The following DMTN variants were observed in gnomAD, a reference collection of about 807,000 sequenced individuals.
DMTN encodes dematin.
DMTN carries 27 observed loss-of-function variants against 59.4 expected under a neutral mutation model. The ratio of observed to expected loss-of-function variants is 0.45; its 90% CI spans 0.33 to 0.63. The LOEUF (loss-of-function observed/expected upper bound fraction) is 0.63, where lower values mean the gene tolerates loss of function less well. DMTN is among the 20% of genes least tolerant of loss of function. DMTN has a pLI of 0.02. For synonymous variants in DMTN, 221 were observed against 203.7 expected, an observed-to-expected ratio of 1.08 and a Z score of -0.72; for missense variants, 451 against 528.9, an observed-to-expected ratio of 0.85 and a Z score of 1.45.
At position 22,072,205 on chromosome 8, in the gene DMTN, A is replaced by C. The variant is rs1816095423; in HGVS notation, c.605-121A>C. On this transcript the variant is annotated intron_variant, in intron 8 of 15. Transcript: ENST00000358242. Reference sequence around the variant, plus strand: ...TACCGACCCTACTTTATTTTTTAAAAAAATTTTGTAGTGGCCTTATCAAGG... The same window carrying C: ...TACCGACCCTACTTTATTTTTTAAACAAATTTTGTAGTGGCCTTATCAAGG... 4.6e-6 allele frequency: 6 copies of C among 1,308,414 alleles called. No homozygotes were observed. In the South Asian group the frequency reaches 1.0e-4, roughly 22 times the overall value. 81.1% of individuals were successfully genotyped at this position (1,308,414 alleles called of 1,614,324 possible).
intron 1 of DMTN, among the ~76,000 whole-genome samples, chr8:22,065,827 C>CTTTTTTTTTTT (rs76626050): frequency 1.1e-4 from 8 of 74,596 alleles, no homozygotes; most frequent in African/African-American, 2.1e-4. Context: ...AGAGCAAGAC[C>CTTTTTTTTTTT]TTTTTTTTTT....
At chr8:22,072,151 A>G (rs982019585) in intron 8 of DMTN, among the ~76,000 whole-genome samples, 175 bp from the exon 9 acceptor site, 1 of 152,058 alleles carries the variant, frequency 6.6e-6, no homozygotes, top group Non-Finnish European at 1.5e-5. Context: ...CAGCCTCCCA[A>G]TGTGTTGAGA....
Position 22,066,823 on chromosome 8 carries a change from T to C in DMTN, c.-53T>C. On this transcript the variant is annotated 5_prime_UTR_variant, in exon 2 of 16. Transcript: ENST00000358242. ...GCGCCGAGCCTGACACGCTGTCCTC[T>C]CCCCTCGCGCACAGGGCTCTGCGAG... 4.9e-6 allele frequency: 7 copies of C among 1,418,484 alleles called. No homozygotes were observed. The highest frequency in any genetic ancestry group is 5.5e-6 in the Non-Finnish European group (6 of 1,083,472). The allele number at this position is 1,418,484 out of a possible 1,614,324, so 87.9% of individuals were successfully genotyped here. A position where few individuals can be genotyped will look rare whatever the true frequency, so the allele number is the denominator to read the frequency against.
rs181620123 is a variant in DMTN at position 22,072,558 on chromosome 8, G to T, written c.729+108G>T. The T allele has an allele frequency of 5.3e-6, 6 of 1,122,984 alleles. No homozygotes were observed. In the East Asian group the frequency reaches 2.0e-4, roughly 37 times the overall value. The allele number at this position is 1,122,984 out of a possible 1,614,324, so 69.6% of individuals were successfully genotyped here. A position where few individuals can be genotyped will look rare whatever the true frequency, so the allele number is the denominator to read the frequency against. ...CAGATCACTGCAACCTCCGCTCCCA[G>T]GTTCAAGTGATTCTCCTGCCTCAAC... is the stretch of plus-strand genomic sequence containing the variant. On this transcript the variant is annotated intron_variant, in intron 9 of 15. Transcript: ENST00000358242.
Position 22,058,267 on chromosome 8 carries a change from C to T in DMTN, c.-172+1131C>T, listed in dbSNP as rs992747497. Among the ~76,000 whole-genome samples the T allele has an allele frequency of 2.0e-5, 3 of 152,132 alleles. No individual in the cohort carries two copies. Among genetic ancestry groups the T allele is most frequent in the African/African-American group, 7.2e-5 (3 of 41,442 alleles). On this transcript the variant is annotated intron_variant, in intron 1 of 15. Transcript: ENST00000358242. The surrounding 1 kb of genome is among the most constrained non-coding windows in gnomAD (Gnocchi z 4.3). ...AGACTCCTGGGTGAGGTTGTCCACC[C>T]GTGGGTGGATGTCTGCAGAATCCCT...
At chr8:22,073,473 A>G (rs1186839983) in intron 9 of DMTN, among the ~76,000 whole-genome samples, 1 of 151,618 alleles carries the variant, frequency 6.6e-6, no homozygotes, top group Non-Finnish European at 1.5e-5. Flanking sequence ...ATAAAAAAAA[A>G]ACAATTAGCT....
intron 14 of DMTN, 21 bp from the exon 15 acceptor site, chr8:22,081,092 T>TGGGCCTG: frequency 6.5e-7 from 1 of 1,547,316 alleles, no homozygotes; most frequent in Non-Finnish European, 8.9e-7. Flanking sequence ...AGCCTAAGAT[T>TGGGCCTG]GCCCCTCCCC....
intron 7 of DMTN, 105 bp from the exon 8 acceptor site, chr8:22,070,077 C>T (rs951960486): frequency 1.2e-5 from 18 of 1,549,178 alleles, no homozygotes; most frequent in Non-Finnish European, 1.5e-5. Context: ...AGCGTGTACA[C>T]TGCTTTTACC....
At chr8:22,078,187 A>G (rs1315517477) in intron 10 of DMTN, among the ~76,000 whole-genome samples, 10 of 151,884 alleles carry the variant, frequency 6.6e-5, no homozygotes, top group Non-Finnish European at 1.3e-4. Context: ...CAACATGGTG[A>G]AACCCTGTCT....
chr8:22,053,731 T>G (rs1474553452), upstream of DMTN: 2 of 152,288 alleles, frequency 1.3e-5, no homozygotes, highest in Admixed American at 1.3e-4. Flanking sequence ...CCTGGCCCCG[T>G]GTTGTGGACA....
At chr8:22,064,680 A>C (rs544155261) in intron 1 of DMTN, among the ~76,000 whole-genome samples, 1 of 152,160 alleles carries the variant, frequency 6.6e-6, no homozygotes, top group Non-Finnish European at 1.5e-5. Context: ...GGATGGTCTC[A>C]GTCTCCTGAC....
In DMTN at chr8:22,067,154, A is replaced by G. The variant is rs1279468389; in HGVS notation, c.88A>G (p.Ile30Val). The G allele has an allele frequency of 6.2e-7, 1 of 1,608,144 alleles. No homozygotes were observed. Among genetic ancestry groups the G allele is most frequent in the Non-Finnish European group, 8.5e-7 (1 of 1,177,658 alleles). Reference protein sequence around the residue: ...DSSVPGSPSSIVAKMDNQVLG... With the variant: ...DSSVPGSPSSVVAKMDNQVLG... ...CAGTGTGCCTGGCTCTCCCTCCAGC[A>G]TCGTGGTGAGTACCCCTCTCGGCCA... Residue 30 changes from isoleucine to valine, a missense_variant, in exon 3 of 16, where the codon ATC becomes GTC. Ile to Val is a conservative substitution (Grantham distance 29). Coordinates refer to ENST00000358242, the MANE Select transcript of DMTN (RefSeq NM_001387751.1).
At chr8:22,073,571 C>G (rs1219723536) in intron 9 of DMTN, among the ~76,000 whole-genome samples, 159 bp from the exon 10 acceptor site, 1 of 142,572 alleles carries the variant, frequency 7.0e-6, no homozygotes, top group African/African-American at 2.6e-5. Flanking sequence ...GTCAAGGTTG[C>G]AGTGAGCCAT....
chr8:22,070,481 C>A, intron 8 of DMTN, 147 bp downstream of exon 8: 2 of 990,854 alleles, frequency 2.0e-6, no homozygotes, highest in Non-Finnish European at 2.8e-6. Context: ...AGCCCCCAGG[C>A]TCCTTGCTCA....
intron 15 of DMTN, 78 bp downstream of exon 15, chr8:22,081,271 C>T (rs2131612105): frequency 6.2e-7 from 1 of 1,602,006 alleles, no homozygotes; most frequent in Non-Finnish European, 8.6e-7. Context: ...TCTGGGGCCT[C>T]TATGAGTGAG....
At position 22,066,802 on chromosome 8, in the gene DMTN, C is replaced by G; in HGVS notation, c.-74C>G. ...AGCGCGCAGCGCCCAGCAGCCGCGC[C>G]GAGCCTGACACGCTGTCCTCTCCCC... On this transcript the variant is annotated 5_prime_UTR_variant, in exon 2 of 16. Transcript: ENST00000358242. 1 of 1,406,600 alleles carries G rather than the reference C, an allele frequency of 7.1e-7. No individual in the cohort carries two copies. The highest frequency in any genetic ancestry group is 9.3e-7 in the Non-Finnish European group (1 of 1,075,710). The allele number at this position is 1,406,600 out of a possible 1,614,324, so 87.1% of individuals were successfully genotyped here.
chr8:22,068,224 C>G (rs969019337), intron 4 of DMTN, among the ~76,000 whole-genome samples: 1 of 152,236 alleles, frequency 6.6e-6, no homozygotes, highest in Non-Finnish European at 1.5e-5. Context: ...TTGGATGCTT[C>G]TTGGTCTTGT....
chr8:22,065,687 A>G (rs1026645744), intron 1 of DMTN, among the ~76,000 whole-genome samples: 17 of 152,204 alleles, frequency 1.1e-4, no homozygotes, highest in African/African-American at 3.6e-4. Flanking sequence ...TACTGAAAAT[A>G]CAAAAATTAG....
Position 22,079,909 on chromosome 8 carries a change from T to G in DMTN, c.836-271T>G, listed in dbSNP as rs2131559919. Among the ~76,000 whole-genome samples, 2 of 152,330 alleles carry G rather than the reference T, an allele frequency of 1.3e-5. 1 individual carries two copies. Among genetic ancestry groups the G allele is most frequent in the South Asian group, 4.1e-4 (2 of 4,830 alleles). ...GCCTTGGCTCTGGCTGACTCAATTT[T>G]CACATCAGGCATTGGGCCCAGTTGT... On this transcript the variant is annotated intron_variant, in intron 10 of 15. Transcript: ENST00000358242.
Sources: gnomAD v4.1 joint callset for allele counts (sites outside exome capture counted in the v4.1 genomes callset) on GRCh38, gnomAD v4.1.1 for gene constraint, Gnocchi (gnomAD v3.1) non-coding constraint, MANE v1.5 for transcripts, NCBI Gene and HGNC (gene_info 2026-07-23, HGNC 2026-07-21) for gene names.